SLC9B1: variants seen among roughly 807,000 people sequenced by gnomAD.
SLC9B1 encodes solute carrier family 9 member B1.
SLC9B1 carries 32 observed loss-of-function variants against 51.7 expected under a neutral mutation model. The observed-to-expected ratio is 0.62, with a 90% CI of 0.47 to 0.83. The LOEUF (loss-of-function observed/expected upper bound fraction) is 0.83, where lower values mean the gene tolerates loss of function less well. Ranked by LOEUF, SLC9B1 falls within the 40% of genes least tolerant of loss-of-function variation. The pLI, the probability that SLC9B1 is intolerant of heterozygous loss-of-function variation, is 0.00. For missense variants in SLC9B1, 406 were observed against 613.2 expected (o/e 0.66, Z 3.57); for synonymous variants, 145 against 212.7 (o/e 0.68, Z 2.77).
chr4:102,886,470 G>A (rs1423515188), intron 11 of SLC9B1, among the ~76,000 whole-genome samples: 4 of 151,738 alleles, frequency 2.6e-5, no homozygotes, highest in East Asian at 3.9e-4. Flanking sequence ...CAGCCTGGGC[G>A]ACAAGGTGAG....
At chr4:103,001,412 T>C (rs1379814483) in intron 1 of SLC9B1, among the ~76,000 whole-genome samples, 1 of 152,214 alleles carries the variant, frequency 6.6e-6, no homozygotes, top group Non-Finnish European at 1.5e-5. Flanking sequence ...CAAACTCTTA[T>C]GGTCTGTCAC....
chr4:102,994,443 C>A (rs1054514567), intron 1 of SLC9B1, among the ~76,000 whole-genome samples: 4 of 152,322 alleles, frequency 2.6e-5, no homozygotes, highest in South Asian at 4.1e-4. Flanking sequence ...TTGGTCAAAG[C>A]CATTCAACAA....
At chr4:102,998,759 T>A (rs77058200) in intron 1 of SLC9B1, among the ~76,000 whole-genome samples, 1,743 of 152,342 alleles carry the variant, frequency 0.011, 39 homozygotes, top group African/African-American at 0.039. Context: ...GTAGTTTTCA[T>A]TTCCACTTCC....
At chr4:102,942,064 C>T (rs1340867112) in intron 6 of SLC9B1, among the ~76,000 whole-genome samples, 3 of 151,938 alleles carry the variant, frequency 2.0e-5, no homozygotes, top group Non-Finnish European at 4.4e-5. Flanking sequence ...ACAACAGCTG[C>T]AAAAACAAAC....
At chr4:102,949,767 C>T (rs1426819514) in intron 3 of SLC9B1, among the ~76,000 whole-genome samples, 1 of 152,038 alleles carries the variant, frequency 6.6e-6, no homozygotes, top group Non-Finnish European at 1.5e-5. Flanking sequence ...TTGAGGCCAG[C>T]CTGGCCAACA....
At chr4:102,996,581 T>A (rs568883103) in intron 1 of SLC9B1, among the ~76,000 whole-genome samples, 1 of 152,334 alleles carries the variant, frequency 6.6e-6, no homozygotes, top group South Asian at 2.1e-4. Flanking sequence ...ATATATGGGA[T>A]GTGAGGAAGA....
At chr4:102,965,213 T>C (rs1048309184) in intron 3 of SLC9B1, among the ~76,000 whole-genome samples, 2 of 152,114 alleles carry the variant, frequency 1.3e-5, no homozygotes, top group Non-Finnish European at 2.9e-5. Context: ...TATAATAGAA[T>C]ACCTGAGACT....
At chr4:102,994,605 T>C (rs898364602) in intron 1 of SLC9B1, among the ~76,000 whole-genome samples, 2 of 152,178 alleles carry the variant, frequency 1.3e-5, no homozygotes, top group African/African-American at 4.8e-5. Flanking sequence ...CAGTTTACAT[T>C]AGTCCTTTTT....
In SLC9B1 at chr4:102,946,631, G is replaced by T; in HGVS notation, c.525+16C>A. On this transcript the variant is annotated intron_variant, in intron 5 of 11. Coordinates refer to ENST00000296422, the MANE Select transcript of SLC9B1 (RefSeq NM_139173.4). Reference sequence around the variant, plus strand: ...TATTTGAAATAACCTTACTCGATTTGTAATTGTAAATCTACCTGTGGATCG... The same window carrying T: ...TATTTGAAATAACCTTACTCGATTTTTAATTGTAAATCTACCTGTGGATCG... 2 of 1,595,944 alleles carry T rather than the reference G, an allele frequency of 1.3e-6. No homozygotes were observed. The highest frequency in any genetic ancestry group is 1.7e-6 in the Non-Finnish European group (2 of 1,174,952).
At chr4:103,013,475 T>C (rs1741178197) in intron 1 of SLC9B1, among the ~76,000 whole-genome samples, 1 of 152,218 alleles carries the variant, frequency 6.6e-6, no homozygotes, top group Non-Finnish European at 1.5e-5. Flanking sequence ...TTCTTCTCTA[T>C]GCCCTATTCT....
At chr4:102,966,141 T>C (rs1738415116) in intron 3 of SLC9B1, among the ~76,000 whole-genome samples, 1 of 152,134 alleles carries the variant, frequency 6.6e-6, no homozygotes, top group African/African-American at 2.4e-5. Context: ...AGTTCTGGAG[T>C]CCCAGTGGTG....
chr4:102,938,958 C>G (rs1177235218), intron 6 of SLC9B1, among the ~76,000 whole-genome samples: 1 of 151,444 alleles, frequency 6.6e-6, no homozygotes, highest in East Asian at 1.9e-4. Flanking sequence ...TAATATCATA[C>G]CTAAAGGAAA....
intron 7 of SLC9B1, among the ~76,000 whole-genome samples, chr4:102,918,473 A>G (rs1426957137): frequency 6.6e-6 from 1 of 152,256 alleles, no homozygotes; most frequent in Admixed American, 6.5e-5. Flanking sequence ...CAACAACTCA[A>G]TAACAAAACA....
At chr4:103,002,015 G>T (rs1740549852) in intron 1 of SLC9B1, among the ~76,000 whole-genome samples, 1 of 152,196 alleles carries the variant, frequency 6.6e-6, no homozygotes, top group African/African-American at 2.4e-5. Context: ...AAGGGAACAG[G>T]CCAAATGCTT....
chr4:103,017,858 C>T (rs1741469919), intron 1 of SLC9B1, among the ~76,000 whole-genome samples: 1 of 152,148 alleles, frequency 6.6e-6, no homozygotes, highest in African/African-American at 2.4e-5. Context: ...TAAAACAACG[C>T]CTGACAAAGT....
intron 11 of SLC9B1, among the ~76,000 whole-genome samples, chr4:102,893,281 C>CAAAAAAAAAAAAAAAAAAAAAAAA (rs58316456): frequency 3.1e-4 from 11 of 35,166 alleles, no homozygotes; most frequent in East Asian, 1.1e-3. Context: ...GACTCCATCT[C>CAAAAAAAAAAAAAAAAAAAAAAAA]AAAAAAAAAA....
At chr4:102,969,801 G>T (rs1315046506) in intron 3 of SLC9B1, among the ~76,000 whole-genome samples, 2 of 152,194 alleles carry the variant, frequency 1.3e-5, no homozygotes, top group African/African-American at 4.8e-5. Context: ...TTAATGACCT[G>T]ATGGAGCTGA....
At position 102,995,777 on chromosome 4, in the gene SLC9B1, C is replaced by T. The variant is rs1364080875; in HGVS notation, c.-1-4065G>A. Among the ~76,000 whole-genome samples the T allele has an allele frequency of 2.6e-5, 4 of 152,196 alleles. No homozygotes were observed. In the South Asian group the frequency reaches 8.3e-4, roughly 32 times the overall value. ...TGGGAAGTGATTTATCTCCACTGGC[C>T]TCAATTTCCTTATCTGAAAAAATAT... On this transcript the variant is annotated intron_variant, in intron 1 of 11. Transcript: ENST00000296422.
At chr4:102,909,087 T>C (rs1477981811) in intron 9 of SLC9B1, among the ~76,000 whole-genome samples, 1 of 152,202 alleles carries the variant, frequency 6.6e-6, no homozygotes, top group Non-Finnish European at 1.5e-5. Context: ...AGGAATTAGA[T>C]ATTTTTGTGC....
Sources: allele counts gnomAD v4.1 joint callset (sites outside exome capture counted in the v4.1 genomes callset), GRCh38; gene constraint gnomAD v4.1.1; transcripts MANE v1.5; gene names NCBI Gene and HGNC (gene_info 2026-07-23, HGNC 2026-07-21).